Variants in GPC6 observed in about 807,000 individuals in gnomAD.
GPC6 encodes glypican 6.
Under a neutral mutation model 55.2 loss-of-function variants are expected in GPC6, and 14 were observed. That is an observed-to-expected ratio of 0.25 (90% CI 0.17 to 0.40). The LOEUF is 0.40. Among genes scored for constraint, GPC6 ranks in the 10% least tolerant of loss-of-function variants. The pLI is 1.00. For missense variants in GPC6, 641 were observed against 708.5 expected, an observed-to-expected ratio of 0.90 and a Z score of 1.08; for synonymous variants, 278 against 259.6, an observed-to-expected ratio of 1.07 and a Z score of -0.68.
intron 2 of GPC6, among the ~76,000 whole-genome samples, chr13:93,651,949 G>A (rs1386043715): frequency 6.6e-6 from 1 of 152,150 alleles, no homozygotes; most frequent in Non-Finnish European, 1.5e-5. Flanking sequence ...TGATTCCACT[G>A]TGCAGCCAGG....
intron 1 of GPC6, among the ~76,000 whole-genome samples, chr13:93,363,174 C>T (rs1250884925): frequency 4.4e-4 from 61 of 139,094 alleles, no homozygotes; most frequent in Middle Eastern, 4.0e-3. Context: ...AGGGTACATG[C>T]GTACAATGTG....
At chr13:93,885,162 G>A (rs1875247552) in intron 3 of GPC6, among the ~76,000 whole-genome samples, 1 of 151,892 alleles carries the variant, frequency 6.6e-6, no homozygotes, top group Non-Finnish European at 1.5e-5. Flanking sequence ...TTGGCAGAGT[G>A]CAAATTAATA....
At chr13:93,571,218 C>A (rs941571058) in intron 2 of GPC6, among the ~76,000 whole-genome samples, 5 of 152,048 alleles carry the variant, frequency 3.3e-5, no homozygotes, top group Admixed American at 1.3e-4. Context: ...TCGTCCCAAG[C>A]CTAGCTCTCA....
intron 2 of GPC6, among the ~76,000 whole-genome samples, chr13:93,707,020 A>G (rs144545053): frequency 1.3e-5 from 2 of 151,958 alleles, no homozygotes; most frequent in Non-Finnish European, 2.9e-5. Flanking sequence ...AGCTATAGAA[A>G]CAATGTTTCT....
rs572247629 is a variant in GPC6, at chr13:93,828,109, A to C, written c.320-2045A>C. 2.6e-5 allele frequency among the ~76,000 whole-genome samples: 4 copies of C among 152,194 alleles called. No individual in the cohort carries two copies. In the East Asian group the frequency reaches 7.7e-4, roughly 29 times the overall value. ...GGCAGTATTCTGTATTCAATAAATT[A>C]AGCTTTAATTCCTAAGTCCAACAAA... On this transcript the variant is annotated intron_variant, in intron 2 of 8. Transcript: ENST00000377047.
At chr13:94,139,617 C>T (rs1273563669) in intron 4 of GPC6, among the ~76,000 whole-genome samples, 1 of 152,184 alleles carries the variant, frequency 6.6e-6, no homozygotes, top group Admixed American at 6.5e-5. Context: ...GACAGTACCC[C>T]ACCTGTCTGC....
At chr13:94,271,826 G>A (rs889815705) in intron 4 of GPC6, among the ~76,000 whole-genome samples, 12 of 151,410 alleles carry the variant, frequency 7.9e-5, no homozygotes, top group African/African-American at 2.2e-4. Context: ...TTCACCATGT[G>A]GCATTTTGAA....
chr13:94,011,936 A>G (rs1451603181), intron 3 of GPC6, among the ~76,000 whole-genome samples: 1 of 152,260 alleles, frequency 6.6e-6, no homozygotes. Flanking sequence ...AACTTGAAAT[A>G]AATTCAGTCA....
chr13:93,503,402 G>A (rs79359953), intron 1 of GPC6, among the ~76,000 whole-genome samples: 1 of 152,268 alleles, frequency 6.6e-6, no homozygotes, highest in South Asian at 2.1e-4. Context: ...GCTAGCCAAA[G>A]GGCAACATTG....
chr13:93,748,805 T>C (rs1454163867), intron 2 of GPC6, among the ~76,000 whole-genome samples: 3 of 152,090 alleles, frequency 2.0e-5, no homozygotes, highest in Non-Finnish European at 4.4e-5. Flanking sequence ...TGTCTTATTT[T>C]CATGAACAAG....
At chr13:93,386,216 G>C (rs1356346019) in intron 1 of GPC6, among the ~76,000 whole-genome samples, 1 of 152,036 alleles carries the variant, frequency 6.6e-6, no homozygotes, top group East Asian at 1.9e-4. Flanking sequence ...GCTATTAAGA[G>C]CTGTCATGGA....
intron 2 of GPC6, among the ~76,000 whole-genome samples, chr13:93,796,371 G>C (rs1886197587): frequency 6.6e-6 from 1 of 152,114 alleles, no homozygotes; most frequent in Non-Finnish European, 1.5e-5. Flanking sequence ...TAGTATTTTA[G>C]AGAGTGGACT....
chr13:94,039,068 A>T (rs185529726), intron 4 of GPC6, among the ~76,000 whole-genome samples: 3 of 151,930 alleles, frequency 2.0e-5, no homozygotes, highest in East Asian at 3.9e-4. Flanking sequence ...CAGGGGGGGA[A>T]AAACAGTGGT....
chr13:93,298,828 C>A (rs192620788), intron 1 of GPC6, among the ~76,000 whole-genome samples: 1 of 151,828 alleles, frequency 6.6e-6, no homozygotes, highest in East Asian at 1.9e-4. Context: ...GGTTAGGTAT[C>A]TCTCAAGCTT....
At chr13:93,371,476 G>C (rs960574660) in intron 1 of GPC6, among the ~76,000 whole-genome samples, 1 of 152,008 alleles carries the variant, frequency 6.6e-6, no homozygotes, top group Non-Finnish European at 1.5e-5. Context: ...TATAATCATA[G>C]AAAAAATGCA....
At chr13:94,056,898 G>A (rs544144085) in intron 4 of GPC6, among the ~76,000 whole-genome samples, 2 of 152,320 alleles carry the variant, frequency 1.3e-5, no homozygotes, top group South Asian at 2.1e-4. Context: ...ATGGCTGTAA[G>A]CCTGTTCTGG....
chr13:94,067,354 A>G (rs913609809), intron 4 of GPC6, among the ~76,000 whole-genome samples: 1 of 152,178 alleles, frequency 6.6e-6, no homozygotes, highest in Admixed American at 6.5e-5. Context: ...TGATCAAGAT[A>G]CGTGAAAGAA....
chr13:93,234,243 G>C (rs1005903078), intron 1 of GPC6, among the ~76,000 whole-genome samples: 3 of 152,088 alleles, frequency 2.0e-5, no homozygotes, highest in African/African-American at 7.2e-5. Context: ...CCGTTTGTTA[G>C]CCCTGCAAGG....
chr13:93,442,704 T>A (rs1378036093), intron 1 of GPC6, among the ~76,000 whole-genome samples: 2 of 152,206 alleles, frequency 1.3e-5, no homozygotes, highest in Non-Finnish European at 2.9e-5. Flanking sequence ...ATATACATTT[T>A]TGCTGGGAAA....
Sources: allele counts gnomAD v4.1 joint callset (sites outside exome capture counted in the v4.1 genomes callset), GRCh38; gene constraint gnomAD v4.1.1; transcripts MANE v1.5; gene names NCBI Gene and HGNC (gene_info 2026-07-23, HGNC 2026-07-21).